MAP2K3: variants seen among roughly 807,000 people sequenced by gnomAD.
MAP2K3 encodes the protein dual specificity mitogen-activated protein kinase kinase 3.
Under a neutral mutation model 46.4 loss-of-function variants are expected in MAP2K3, and 30 were observed. The ratio of observed to expected loss-of-function variants is 0.65; its 90% CI spans 0.48 to 0.88. The LOEUF (loss-of-function observed/expected upper bound fraction) is 0.88, where lower values mean the gene tolerates loss of function less well. Among genes scored for constraint, MAP2K3 ranks in the 40% least tolerant of loss-of-function variants. The pLI, the probability that MAP2K3 is intolerant of heterozygous loss-of-function variation, is 0.00. For synonymous variants in MAP2K3, 189 were observed against 176.3 expected, an observed-to-expected ratio of 1.07 and a Z score of -0.57; for missense variants, 380 against 464.5, an observed-to-expected ratio of 0.82 and a Z score of 1.67.
chr17:21,303,147 G>C (rs915735344), intron 6 of MAP2K3, 36 bp from the exon 7 acceptor site: 3 of 1,613,918 alleles, frequency 1.9e-6, no homozygotes, highest in Non-Finnish European at 2.5e-6. Flanking sequence ...GAATAACAGA[G>C]TCCTGTCTCT....
intron 1 of MAP2K3, chr17:21,295,492 C>A (rs1976187278): frequency 4.6e-6 from 4 of 871,880 alleles, no homozygotes; most frequent in African/African-American, 1.8e-5. Context: ...ATGGTTGCCA[C>A]AACGGCTGCA....
chr17:21,302,038 G>C lies in MAP2K3; in HGVS notation c.400-105G>C. On this transcript the variant is annotated intron_variant, in intron 5 of 11. Transcript: ENST00000342679. ...ACTGTGGCTGAGTGGGTGGGCACAC[G>C]TCGGAGAGGGGGCTGGGGCTGGGGC... 9.1e-6 allele frequency: 10 copies of C among 1,096,550 alleles called. No individual in the cohort carries two copies. The South Asian group carries it at 1.2e-4, about 13-fold the overall frequency. The allele number at this position is 1,096,550 out of a possible 1,614,324, so 67.9% of individuals were successfully genotyped here. A position where few individuals can be genotyped will look rare whatever the true frequency, so the allele number is the denominator to read the frequency against.
intron 9 of MAP2K3, among the ~76,000 whole-genome samples, chr17:21,307,957 G>T (rs1171383000): frequency 3.3e-5 from 5 of 151,006 alleles, no homozygotes; most frequent in Non-Finnish European, 5.9e-5. Flanking sequence ...TCGCGTTCAG[G>T]CAATTCTCCT....
intron 9 of MAP2K3, among the ~76,000 whole-genome samples, chr17:21,306,774 C>T (rs62057742): frequency 2.6e-4 from 39 of 152,364 alleles, no homozygotes; most frequent in African/African-American, 7.7e-4. Flanking sequence ...TGAGCCACCA[C>T]GCCCAGCCTC....
intron 1 of MAP2K3, chr17:21,296,292 G>A (rs1976246586): frequency 2.2e-6 from 2 of 928,024 alleles, no homozygotes; most frequent in Non-Finnish European, 3.0e-6. Context: ...GGGTCGCAGA[G>A]CTGGAGTTTA....
intron 1 of MAP2K3, chr17:21,291,630 G>A (rs1824572126): frequency 4.4e-6 from 2 of 455,832 alleles, no homozygotes; most frequent in Non-Finnish European, 8.8e-6. Flanking sequence ...CTTAAAGCCT[G>A]AGCATGGGGC....
chr17:21,293,015 TG>T (rs1976029253), intron 1 of MAP2K3, among the ~76,000 whole-genome samples: 1 of 152,304 alleles, frequency 6.6e-6, no homozygotes, highest in Non-Finnish European at 1.5e-5. Flanking sequence ...TGAGATGTAA[TG>T]AAAGAAATTT....
chr17:21,310,575 C>A (rs1444834391), intron 9 of MAP2K3, among the ~76,000 whole-genome samples: 2 of 152,278 alleles, frequency 1.3e-5, no homozygotes, highest in African/African-American at 2.4e-5. Context: ...TTCCCACTCA[C>A]TGCACAAGCC....
intron 1 of MAP2K3, chr17:21,291,500 G>C (rs768672941): frequency 2.2e-6 from 1 of 456,466 alleles, no homozygotes; most frequent in Non-Finnish European, 4.4e-6. Flanking sequence ...ACCTCGAGCC[G>C]GGCCCACGTG....
At chr17:21,302,448 A>G (rs1359739139) in intron 6 of MAP2K3, among the ~76,000 whole-genome samples, 189 bp downstream of exon 6, 2 of 152,286 alleles carry the variant, frequency 1.3e-5, no homozygotes, top group Non-Finnish European at 2.9e-5. Flanking sequence ...CTTTGTGCTT[A>G]GGAGACCTCC....
At chr17:21,291,385 A>C in intron 1 of MAP2K3, 1 of 449,274 alleles carries the variant, frequency 2.2e-6, no homozygotes, top group Non-Finnish European at 4.5e-6. Context: ...ACACGTAGTG[A>C]TAACAGTGAA....
chr17:21,295,840 G>T, intron 1 of MAP2K3: 1 of 1,289,516 alleles, frequency 7.8e-7, no homozygotes. Flanking sequence ...GGCATGAGGT[G>T]GGTGGCAGGC....
chr17:21,285,502 C>A (rs544880098), intron 1 of MAP2K3, among the ~76,000 whole-genome samples: 3 of 152,118 alleles, frequency 2.0e-5, no homozygotes, highest in Non-Finnish European at 4.4e-5. Context: ...TCTGGCTACA[C>A]CCCAGCTCGG....
At position 21,301,006 on chromosome 17, in the gene MAP2K3, A is replaced by ATG. The variant is rs1976568485; in HGVS notation, c.399+14_399+15dup. ...ACTATTCAGAGAGGTGCGTCCTTGC[A>ATG]TGATGCAGCTGGGGATCTCCACCTC... On this transcript the variant is annotated intron_variant, in intron 5 of 11. Transcript: ENST00000342679. 1.5e-5 allele frequency: 24 copies of ATG among 1,597,720 alleles called. No individual in the cohort carries two copies. Among genetic ancestry groups the ATG allele is most frequent in the Admixed American group, 3.3e-5 (2 of 59,994 alleles).
rs371356842 is a variant in MAP2K3 at position 21,301,038 on chromosome 17, A to G, written c.399+45A>G. ...AGCTGGGGATCTCCACCTCCCACCC[A>G]TCAGTCGCCTGCAACCCACTGTCAC... On this transcript the variant is annotated intron_variant, in intron 5 of 11. Transcript: ENST00000342679. 8.1e-5 allele frequency: 131 copies of G among 1,613,244 alleles called. No homozygotes were observed. In the African/African-American group the frequency reaches 1.1e-3, roughly 13 times the overall value.
At chr17:21,288,089 G>T (rs1224503038) in intron 1 of MAP2K3, 1 of 1,289,218 alleles carries the variant, frequency 7.8e-7, no homozygotes, top group South Asian at 1.2e-5. Flanking sequence ...GAGGCTTCCG[G>T]CGGTGAGTCA....
chr17:21,288,833 G>A (rs1975797709), intron 1 of MAP2K3, among the ~76,000 whole-genome samples: 1 of 152,214 alleles, frequency 6.6e-6, no homozygotes, highest in African/African-American at 2.4e-5. Flanking sequence ...CAGGAAGCCG[G>A]GGGTCCTGGG....
At chr17:21,299,000 C>T (rs1976434519) in intron 3 of MAP2K3, 74 bp downstream of exon 3, 8 of 1,600,614 alleles carry the variant, frequency 5.0e-6, no homozygotes, top group Non-Finnish European at 6.0e-6. Flanking sequence ...CCTGCAGGGC[C>T]ACTTTGGGGG....
intron 8 of MAP2K3, among the ~76,000 whole-genome samples, chr17:21,304,814 G>C (rs1976803224): frequency 6.6e-6 from 1 of 152,308 alleles, no homozygotes; most frequent in South Asian, 2.1e-4. Context: ...GGCTGTGCAG[G>C]TCCCGCCCCG....
Sources: allele counts gnomAD v4.1 joint callset (sites outside exome capture counted in the v4.1 genomes callset), GRCh38; gene constraint gnomAD v4.1.1; transcripts MANE v1.5; gene names NCBI Gene and HGNC (gene_info 2026-07-23, HGNC 2026-07-21).